Variants in TLK1 observed in about 807,000 individuals in gnomAD.
TLK1 encodes serine/threonine-protein kinase tousled-like 1.
A neutral mutation model predicts 105.3 loss-of-function variants in TLK1; 24 were observed. The ratio of observed to expected loss-of-function variants is 0.23; its 90% confidence interval spans 0.17 to 0.32. The LOEUF (loss-of-function observed/expected upper bound fraction) is 0.32, where lower values mean the gene tolerates loss of function less well. Among genes scored for constraint, TLK1 ranks in the 10% least tolerant of loss-of-function variants. TLK1 has a pLI of 1.00. For synonymous variants in TLK1, 321 were observed against 310.4 expected, an observed-to-expected ratio of 1.03 and a Z score of -0.36; for missense variants, 558 against 910.5, an observed-to-expected ratio of 0.61 and a Z score of 4.98.
chr2:171,205,324 T>A, intron 1 of TLK1, among the ~76,000 whole-genome samples: 1 of 35,540 alleles, frequency 2.8e-5, no homozygotes, highest in African/African-American at 5.5e-5. Context: ...CTAAGACAGC[T>A]TTTTTTTTTT....
intron 2 of TLK1, among the ~76,000 whole-genome samples, chr2:171,098,751 A>C (rs2105501471): frequency 6.6e-6 from 1 of 152,308 alleles, no homozygotes; most frequent in East Asian, 1.9e-4. Context: ...ATCCAGCAAC[A>C]TATAAAAAGG....
Position 171,117,773 on chromosome 2 carries a change from G to C in TLK1, c.224C>G (p.Thr75Ser). The C allele has an allele frequency of 1.2e-6, 2 of 1,613,812 alleles. No individual in the cohort carries two copies. The highest frequency in any genetic ancestry group is 4.5e-5 in the East Asian group (2 of 44,842). The change falls in exon 2 of 21, where the codon ACT becomes AGT. Residue 75 changes from threonine to serine, a missense_variant. Coordinates refer to ENST00000431350, the MANE Select transcript of TLK1 (RefSeq NM_012290.5). Reference protein sequence around the residue: ...ARFTGVASGSTGSTGSCSVGA... With the variant: ...ARFTGVASGSSGSTGSCSVGA... The stretch of plus-strand genomic sequence containing the variant: ...AACACTGCAACTGCCCGTACTTCCA[G>C]TGCTCCCACTTGCAACTCCAGTAAA...
intron 3 of TLK1, among the ~76,000 whole-genome samples, chr2:171,067,335 G>C (rs1433864403): frequency 7.1e-6 from 1 of 140,370 alleles, no homozygotes; most frequent in South Asian, 2.4e-4. Flanking sequence ...TGTTTTTTTT[G>C]TATTTTTAGT....
At chr2:171,022,070 T>C in intron 12 of TLK1, among the ~76,000 whole-genome samples, 3 of 99,014 alleles carry the variant, frequency 3.0e-5, no homozygotes, top group South Asian at 4.2e-4. Context: ...GCCACCACAC[T>C]CCAGCCTGGG....
At chr2:171,117,718 A>G (rs747068472) in intron 2 of TLK1, 21 bp downstream of exon 2, 7 of 1,573,500 alleles carry the variant, frequency 4.4e-6, no homozygotes, top group Non-Finnish European at 1.7e-6. Flanking sequence ...ACTGTCAAAT[A>G]AAGATGAGAA....
intron 2 of TLK1, among the ~76,000 whole-genome samples, chr2:171,104,983 C>T (rs1157510308): frequency 6.6e-6 from 1 of 152,142 alleles, no homozygotes; most frequent in Non-Finnish European, 1.5e-5. Context: ...CCCTATCTCT[C>T]ACTGTATACA....
At chr2:171,047,844 C>A (rs1404427361) in intron 10 of TLK1, among the ~76,000 whole-genome samples, 1 of 152,156 alleles carries the variant, frequency 6.6e-6, no homozygotes, top group African/African-American at 2.4e-5. Context: ...CATCTTCTAA[C>A]CACTCTGGAT....
At position 171,049,968 on chromosome 2, in the gene TLK1, AATC is replaced by A; in HGVS notation, c.844-21_844-19del. ...TGTGTACTCTGAAAAGGAGAAAAAA[AATC>A]ATCACTCAATTGTATTCATTAATTT... On this transcript the variant is annotated intron_variant, in intron 9 of 20. Coordinates refer to ENST00000431350, the MANE Select transcript of TLK1 (RefSeq NM_012290.5). 1 of 1,613,476 alleles carries A rather than the reference AATC, an allele frequency of 6.2e-7. No individual in the cohort carries two copies. The highest frequency in any genetic ancestry group is 2.2e-5 in the East Asian group (1 of 44,816).
At chr2:171,218,246 C>T (rs1229240178) in intron 1 of TLK1, among the ~76,000 whole-genome samples, 1 of 152,050 alleles carries the variant, frequency 6.6e-6, no homozygotes, top group Non-Finnish European at 1.5e-5. Context: ...AGGGAGACTC[C>T]ATCGCATAAC....
intron 1 of TLK1, among the ~76,000 whole-genome samples, chr2:171,149,644 G>A (rs1691950072): frequency 6.6e-6 from 1 of 152,198 alleles, no homozygotes; most frequent in Non-Finnish European, 1.5e-5. Flanking sequence ...AATGGCTCAA[G>A]CCTGTAATCC....
intron 5 of TLK1, among the ~76,000 whole-genome samples, chr2:171,056,812 T>C (rs1687524838): frequency 6.6e-6 from 1 of 151,874 alleles, no homozygotes; most frequent in African/African-American, 2.4e-5. Context: ...CTGACTATCA[T>C]CTGTTATTTT....
intron 3 of TLK1, among the ~76,000 whole-genome samples, chr2:171,073,256 T>TA (rs973967054): frequency 2.0e-5 from 3 of 152,214 alleles, no homozygotes; most frequent in African/African-American, 7.2e-5. Context: ...CTATACTGAA[T>TA]AAGTGGTGAA....
At chr2:171,179,739 C>G (rs1013704508) in intron 1 of TLK1, among the ~76,000 whole-genome samples, 2 of 152,096 alleles carry the variant, frequency 1.3e-5, no homozygotes, top group African/African-American at 4.8e-5. Context: ...CGGGTGATCA[C>G]TTGAGGTCAG....
At chr2:171,069,269 T>C (rs1437417392) in intron 3 of TLK1, among the ~76,000 whole-genome samples, 2 of 152,228 alleles carry the variant, frequency 1.3e-5, no homozygotes, top group African/African-American at 4.8e-5. Context: ...ACTTTGGGAA[T>C]GAAATTCTGA....
At chr2:171,068,538 T>A (rs556489359) in intron 3 of TLK1, among the ~76,000 whole-genome samples, 2 of 152,232 alleles carry the variant, frequency 1.3e-5, no homozygotes, top group East Asian at 3.9e-4. Context: ...TGACTATACA[T>A]CAATCATTTA....
At chr2:171,010,618 T>C (rs906263545) in intron 14 of TLK1, among the ~76,000 whole-genome samples, 2 of 50,766 alleles carry the variant, frequency 3.9e-5, no homozygotes, top group Non-Finnish European at 7.8e-5. Flanking sequence ...AGATACAACA[T>C]AAAGTACAAA....
chr2:171,048,800 T>G (rs6749884), intron 10 of TLK1, among the ~76,000 whole-genome samples: 5 of 152,172 alleles, frequency 3.3e-5, no homozygotes, highest in African/African-American at 1.2e-4. Flanking sequence ...CATGTGAAAG[T>G]AAGTTCTGCC....
intron 14 of TLK1, among the ~76,000 whole-genome samples, chr2:171,007,413 C>T (rs1485817419): frequency 6.6e-6 from 1 of 151,898 alleles, no homozygotes; most frequent in African/African-American, 2.4e-5. Context: ...ATGACTGTAC[C>T]ACTTTTTTTG....
At chr2:171,023,535 T>C (rs1269087209) in intron 12 of TLK1, among the ~76,000 whole-genome samples, 6 of 151,980 alleles carry the variant, frequency 3.9e-5, no homozygotes, top group Non-Finnish European at 5.9e-5. Context: ...ACTAATCAAA[T>C]ATTTAAAATC....
Sources: allele counts gnomAD v4.1 joint callset (sites outside exome capture counted in the v4.1 genomes callset), GRCh38; gene constraint gnomAD v4.1.1; transcripts MANE v1.5; gene names NCBI Gene and HGNC (gene_info 2026-07-23, HGNC 2026-07-21).